Variants in KCNK13 observed in about 807,000 individuals in gnomAD.
KCNK13 encodes potassium two pore domain channel subfamily K member 13.
KCNK13 carries 12 observed loss-of-function variants against 23.4 expected under a neutral mutation model. That is an observed-to-expected ratio of 0.51 (90% CI 0.33 to 0.83). The LOEUF (loss-of-function observed/expected upper bound fraction) is 0.83, where lower values mean the gene tolerates loss of function less well. Among genes scored for constraint, KCNK13 ranks in the 40% least tolerant of loss-of-function variants. The pLI, the probability that KCNK13 is intolerant of heterozygous loss-of-function variation, is 0.02. For synonymous variants in KCNK13, 231 were observed against 229.5 expected, an observed-to-expected ratio of 1.01 and a Z score of -0.06; for missense variants, 463 against 556.3, an observed-to-expected ratio of 0.83 and a Z score of 1.69.
chr14:90,069,096 G>T (rs968695761), intron 1 of KCNK13, among the ~76,000 whole-genome samples: 3 of 146,980 alleles, frequency 2.0e-5, no homozygotes, highest in African/African-American at 7.7e-5. Flanking sequence ...GAGTGCAGTG[G>T]CGCGATCTTG....
At chr14:90,098,829 G>A (rs937911923) in intron 1 of KCNK13, among the ~76,000 whole-genome samples, 4 of 151,936 alleles carry the variant, frequency 2.6e-5, no homozygotes, top group Non-Finnish European at 5.9e-5. Flanking sequence ...CTGTAATCCC[G>A]GCACTTTGGG....
chr14:90,122,611 G>T (rs370051682), intron 1 of KCNK13, among the ~76,000 whole-genome samples: 6 of 152,108 alleles, frequency 3.9e-5, no homozygotes, highest in Admixed American at 6.6e-5. Context: ...CTTTGCAAAA[G>T]GGTTGTACTC....
At chr14:90,065,154 G>A (rs1435671993) in intron 1 of KCNK13, among the ~76,000 whole-genome samples, 1 of 152,064 alleles carries the variant, frequency 6.6e-6, no homozygotes, top group East Asian at 1.9e-4. Context: ...TTAAAAATTA[G>A]AATTATATTC....
At chr14:90,074,754 C>T (rs957970460) in intron 1 of KCNK13, among the ~76,000 whole-genome samples, 1 of 152,162 alleles carries the variant, frequency 6.6e-6, no homozygotes, top group Admixed American at 6.5e-5. Flanking sequence ...ACCCTCCAAA[C>T]AGAAGACACA....
At chr14:90,142,496 T>G (rs1307293736) in intron 1 of KCNK13, among the ~76,000 whole-genome samples, 7 of 151,786 alleles carry the variant, frequency 4.6e-5, no homozygotes, top group Non-Finnish European at 7.4e-5. Context: ...TTTTTTTTAT[T>G]TTTAGTAGAG....
rs1416300833 is a variant in KCNK13 at position 90,185,241 on chromosome 14, C to A, written c.*238C>A. ...CTTATTCTTTAAGTCTAAATTCAGT[C>A]TTTTCAAAACAAATCACAAAAGCAG... On this transcript the variant is annotated 3_prime_UTR_variant, in exon 2 of 2. Coordinates refer to ENST00000282146, the MANE Select transcript of KCNK13 (RefSeq NM_022054.4). 4.7e-6 allele frequency: 2 copies of A among 422,140 alleles called. No homozygotes were observed. Among genetic ancestry groups the A allele is most frequent in the African/African-American group, 2.0e-5 (1 of 49,998 alleles). The allele number at this position is 422,140 out of a possible 1,614,324, so 26.1% of individuals were successfully genotyped here. A position where few individuals can be genotyped will look rare whatever the true frequency, so the allele number is the denominator to read the frequency against.
chr14:90,132,664 G>C (rs1889889071), intron 1 of KCNK13, among the ~76,000 whole-genome samples: 1 of 152,100 alleles, frequency 6.6e-6, no homozygotes, highest in Admixed American at 6.6e-5. Context: ...GAGGAAATGA[G>C]GTCTGCAGAT....
At position 90,062,466 on chromosome 14, in the gene KCNK13, C is replaced by A; in HGVS notation, c.261C>A (p.Arg87=). 2 of 1,544,604 alleles carry A rather than the reference C, an allele frequency of 1.3e-6. No individual in the cohort carries two copies. Among genetic ancestry groups the A allele is most frequent in the Non-Finnish European group, 1.7e-6 (2 of 1,145,466 alleles). The part of the protein sequence containing the change: ...HYEEATRAGI[R]VDNVRPRWDF... ...AGGAGGCCACTCGGGCCGGCATCCG[C>A]GTGGACAACGTCCGCCCGCGCTGGG... is the stretch of plus-strand genomic sequence containing the variant. Residue 87 remains arginine (R), a synonymous_variant, in exon 1 of 2, where the codon CGC becomes CGA. Transcript: ENST00000282146. This position sits in a 1 kb window ranked among gnomAD's most constrained non-coding sequence, Gnocchi z 4.5.
intron 1 of KCNK13, among the ~76,000 whole-genome samples, chr14:90,152,160 G>A (rs149349178): frequency 0.065 from 9,893 of 152,214 alleles, 414 homozygotes; most frequent in South Asian, 0.21. Flanking sequence ...TGTTCTCATG[G>A]TAGTGAATGA....
intron 1 of KCNK13, among the ~76,000 whole-genome samples, chr14:90,076,819 A>C (rs1379036258): frequency 6.6e-6 from 1 of 151,996 alleles, no homozygotes; most frequent in Non-Finnish European, 1.5e-5. Flanking sequence ...ATTAAAAAAA[A>C]ATTTTTTTTT....
intron 1 of KCNK13, among the ~76,000 whole-genome samples, chr14:90,137,424 G>A (rs1165500656): frequency 2.0e-5 from 3 of 151,958 alleles, no homozygotes; most frequent in South Asian, 2.1e-4. Context: ...AGGTTCAAGC[G>A]ATTCTCCCAC....
At chr14:90,071,514 CCT>C (rs755864021) in intron 1 of KCNK13, among the ~76,000 whole-genome samples, 15 of 152,140 alleles carry the variant, frequency 9.9e-5, no homozygotes, top group Non-Finnish European at 2.2e-4. Flanking sequence ...CTCTGTGCTC[CCT>C]GTTATCAGGA....
At chr14:90,085,045 C>T (rs75762753) in intron 1 of KCNK13, among the ~76,000 whole-genome samples, 3,373 of 152,102 alleles carry the variant, frequency 0.022, 59 homozygotes, top group South Asian at 0.06. Flanking sequence ...CAGGTTCAAG[C>T]GATTCTTGTG....
intron 1 of KCNK13, among the ~76,000 whole-genome samples, chr14:90,164,871 T>C (rs1890285985): frequency 6.6e-6 from 1 of 152,220 alleles, no homozygotes; most frequent in Non-Finnish European, 1.5e-5. Context: ...AATGGGCCTG[T>C]ATTAGTTTGT....
intron 1 of KCNK13, among the ~76,000 whole-genome samples, chr14:90,101,555 C>G (rs938552127): frequency 1.3e-5 from 2 of 151,792 alleles, no homozygotes; most frequent in Non-Finnish European, 2.9e-5. Flanking sequence ...TTGGTAGGCC[C>G]AGGCAGATGG....
At chr14:90,152,591 A>G (rs1170803084) in intron 1 of KCNK13, among the ~76,000 whole-genome samples, 1 of 151,996 alleles carries the variant, frequency 6.6e-6, no homozygotes, top group Non-Finnish European at 1.5e-5. Flanking sequence ...CATGATTGTG[A>G]GGCCTCTCCA....
chr14:90,073,795 G>T (rs143981925), intron 1 of KCNK13, among the ~76,000 whole-genome samples: 1 of 151,176 alleles, frequency 6.6e-6, no homozygotes, highest in African/African-American at 2.4e-5. Context: ...CTCAGCCTCC[G>T]GAGTAGCTGG....
chr14:90,183,907 A>C (rs554282198), intron 1 of KCNK13, among the ~76,000 whole-genome samples: 1 of 152,320 alleles, frequency 6.6e-6, no homozygotes, highest in African/African-American at 2.4e-5. Flanking sequence ...ATAGCACCAC[A>C]CAGGCTTTCA....
Position 90,062,502 on chromosome 14 carries a change from C to A in KCNK13, c.297C>A (p.Gly99=). The change falls in exon 1 of 2, where the codon GGC becomes GGA. Residue 99 remains glycine (G), a synonymous_variant. Transcript: ENST00000282146. The surrounding 1 kb of genome is among the most constrained non-coding windows in gnomAD (Gnocchi z 4.5). ...DNVRPRWDFT[G]AFYFVGTVVS... The stretch of plus-strand genomic sequence containing the variant: ...TCCGCCCGCGCTGGGACTTCACCGG[C>A]GCCTTCTACTTCGTGGGCACCGTCG... The A allele has an allele frequency of 6.5e-7, 1 of 1,531,242 alleles. No homozygotes were observed. The highest frequency in any genetic ancestry group is 2.0e-5 in the Admixed American group (1 of 49,596). The allele number at this position is 1,531,242 out of a possible 1,614,324, so 94.9% of individuals were successfully genotyped here.
Sources: gnomAD v4.1 joint callset for allele counts (sites outside exome capture counted in the v4.1 genomes callset) on GRCh38, gnomAD v4.1.1 for gene constraint, Gnocchi (gnomAD v3.1) non-coding constraint, MANE v1.5 for transcripts, NCBI Gene and HGNC (gene_info 2026-07-23, HGNC 2026-07-21) for gene names.